Variants in ZNF714 observed in about 807,000 individuals in gnomAD.
ZNF714 encodes the protein zinc finger protein 714.
In ZNF714, 32 loss-of-function variants were observed where a neutral mutation model predicts 46.2. That is an observed-to-expected ratio of 0.69 (90% CI 0.52 to 0.93). The LOEUF (loss-of-function observed/expected upper bound fraction) is 0.93, where lower values mean the gene tolerates loss of function less well. Among genes scored for constraint, ZNF714 ranks in the 40% least tolerant of loss-of-function variants. ZNF714 has a pLI of 0.00. For synonymous variants in ZNF714, 199 were observed against 213.1 expected, an observed-to-expected ratio of 0.93 and a Z score of 0.58; for missense variants, 635 against 646.3, an observed-to-expected ratio of 0.98 and a Z score of 0.19.
rs372317502 is a variant in ZNF714, at chr19:21,117,814, C to T, written c.1150C>T (p.Leu384Phe). The T allele has an allele frequency of 2.0e-4, 330 of 1,612,416 alleles. 2 individuals are homozygous for T. In the Middle Eastern group the frequency reaches 2.3e-3, roughly 11 times the overall value. Residue 384 changes from leucine to phenylalanine, a missense_variant, in exon 5 of 5, where the codon CTT becomes TTT. Leu to Phe is a conservative substitution (Grantham distance 22). Transcript: ENST00000456283. ...CAAAGCCTTTAACCACTCCTCAAAA[C>T]TTACTATACATAAGATAATTCATAC... ...CGKAFNHSSK[L>F]TIHKIIHTGE...
intron 2 of ZNF714, among the ~76,000 whole-genome samples, chr19:21,088,441 T>C (rs1968835455): frequency 6.6e-6 from 1 of 152,174 alleles, no homozygotes; most frequent in Non-Finnish European, 1.5e-5. Context: ...GGCTTCAAGA[T>C]AGGTAAATTG....
intron 2 of ZNF714, among the ~76,000 whole-genome samples, chr19:21,093,483 C>T (rs1025858859): frequency 6.6e-6 from 1 of 151,914 alleles, no homozygotes; most frequent in Non-Finnish European, 1.5e-5. Context: ...CCGCCCGCCT[C>T]AGCCTCCCAA....
chr19:21,110,729 T>G (rs1969432194), intron 4 of ZNF714, among the ~76,000 whole-genome samples: 1 of 152,228 alleles, frequency 6.6e-6, no homozygotes, highest in Non-Finnish European at 1.5e-5. Flanking sequence ...GGTTTCAAAT[T>G]TAAGTTTTCA....
chr19:21,096,875 T>A (rs1182874888), intron 2 of ZNF714, among the ~76,000 whole-genome samples: 4 of 152,070 alleles, frequency 2.6e-5, no homozygotes, highest in Non-Finnish European at 5.9e-5. Context: ...TTTATTTATT[T>A]TTATTGTTTG....
chr19:21,121,788 A>G lies in ZNF714; in HGVS notation c.*3456A>G, dbSNP rs1969707195. ...TACAATCCATGACTTACAGTTCTGA[A>G]CCTTTTCATGCAAATTCTCTGTATA... is the stretch of plus-strand genomic sequence containing the variant. On this transcript the variant is annotated 3_prime_UTR_variant, in exon 5 of 5. Coordinates refer to ENST00000456283, the MANE Select transcript of ZNF714 (RefSeq NM_182515.4). 2 of 152,208 alleles carry G rather than the reference A, an allele frequency of 1.3e-5. No individual in the cohort carries two copies. The highest frequency in any genetic ancestry group is 2.9e-5 in the Non-Finnish European group (2 of 68,026). The allele number at this position is 152,208 out of a possible 1,614,324, so 9.4% of individuals were successfully genotyped here.
At chr19:21,099,736 C>T (rs962592724) in intron 4 of ZNF714, among the ~76,000 whole-genome samples, 1 of 151,722 alleles carries the variant, frequency 6.6e-6, no homozygotes, top group Non-Finnish European at 1.5e-5. Flanking sequence ...ATTTTAGAAT[C>T]GTATTTTCTA....
chr19:21,083,115 G>A (rs988391268), intron 1 of ZNF714, among the ~76,000 whole-genome samples: 1 of 151,676 alleles, frequency 6.6e-6, no homozygotes, highest in Non-Finnish European at 1.5e-5. Flanking sequence ...TTGTCTCACC[G>A]TAACCTCTGC....
Position 21,102,507 on chromosome 19 carries a change from A to C in ZNF714, c.142+3597A>C, listed in dbSNP as rs150991818. On this transcript the variant is annotated intron_variant, in intron 4 of 4. Coordinates refer to ENST00000456283, the MANE Select transcript of ZNF714 (RefSeq NM_182515.4). ...ATATAAGTTTTAATTTAGCAATGTA[A>C]TGCTGTTCTTTGCTTAAGTTGGATT... is the stretch of plus-strand genomic sequence containing the variant. Among the ~76,000 whole-genome samples the C allele has an allele frequency of 2.6e-5, 4 of 152,356 alleles. No homozygotes were observed. In the East Asian group the frequency reaches 7.7e-4, roughly 29 times the overall value.
intron 4 of ZNF714, among the ~76,000 whole-genome samples, chr19:21,115,737 T>A (rs562259946): frequency 5.5e-4 from 84 of 152,088 alleles, no homozygotes; most frequent in African/African-American, 1.9e-3. Context: ...TATAAATATC[T>A]TTGTGTGTAT....
At chr19:21,111,105 T>A (rs1325262239) in intron 4 of ZNF714, among the ~76,000 whole-genome samples, 1 of 152,142 alleles carries the variant, frequency 6.6e-6, no homozygotes, top group Non-Finnish European at 1.5e-5. Context: ...TTTAAAATAG[T>A]TTTTTTCTAA....
At chr19:21,104,910 C>T (rs1471112858) in intron 4 of ZNF714, among the ~76,000 whole-genome samples, 2 of 151,800 alleles carry the variant, frequency 1.3e-5, no homozygotes, top group Admixed American at 6.6e-5. Context: ...GGTGAGCGCC[C>T]GGCCTCATTT....
rs191341972 is a variant in ZNF714 at position 21,112,173 on chromosome 19, T to C, written c.143-4634T>C. Among the ~76,000 whole-genome samples the C allele has an allele frequency of 2.6e-5, 4 of 152,284 alleles. No homozygotes were observed. In the East Asian group the frequency reaches 7.7e-4, roughly 29 times the overall value. On this transcript the variant is annotated intron_variant, in intron 4 of 4. Coordinates refer to ENST00000456283, the MANE Select transcript of ZNF714 (RefSeq NM_182515.4). ...ATAGTTTCAGAAGAAATAGTACTCT[T>C]TGTACCTCTGGTAGAATTTAGCTAT...
chr19:21,084,703 T>A (rs966793093), intron 2 of ZNF714, among the ~76,000 whole-genome samples: 24 of 100,826 alleles, frequency 2.4e-4, no homozygotes, highest in Admixed American at 2.6e-4. Flanking sequence ...AGGTAGGAAA[T>A]TTTTTTTTTT....
chr19:21,103,281 C>T (rs887574479), intron 4 of ZNF714, among the ~76,000 whole-genome samples: 2 of 152,086 alleles, frequency 1.3e-5, no homozygotes, highest in South Asian at 4.2e-4. Flanking sequence ...AGGCCTGGCT[C>T]GGTGGCTCAC....
At chr19:21,115,072 G>T in intron 4 of ZNF714, among the ~76,000 whole-genome samples, 1 of 150,648 alleles carries the variant, frequency 6.6e-6, no homozygotes, top group African/African-American at 2.4e-5. Flanking sequence ...TGGTATATTA[G>T]GAATTACATA....
At chr19:21,097,927 G>A (rs763794816) in intron 2 of ZNF714, among the ~76,000 whole-genome samples, 4 of 152,154 alleles carry the variant, frequency 2.6e-5, no homozygotes, top group South Asian at 2.1e-4. Context: ...AAATGTATAC[G>A]TTTGTGTCCT....
chr19:21,107,979 A>G (rs1387752674), intron 4 of ZNF714, among the ~76,000 whole-genome samples: 1 of 152,174 alleles, frequency 6.6e-6, no homozygotes, highest in African/African-American at 2.4e-5. Flanking sequence ...GCTGGAGTAC[A>G]TTGACATAAA....
chr19:21,087,623 G>A (rs1386669414), intron 2 of ZNF714, among the ~76,000 whole-genome samples: 1 of 152,068 alleles, frequency 6.6e-6, no homozygotes, highest in African/African-American at 2.4e-5. Context: ...GTAGATCAGT[G>A]CTTTAAGAGA....
chr19:21,108,205 T>C (rs952966633), intron 4 of ZNF714, among the ~76,000 whole-genome samples: 9 of 152,228 alleles, frequency 5.9e-5, no homozygotes, highest in African/African-American at 1.9e-4. Flanking sequence ...TTCCAAATTA[T>C]TGGGATTGTA....
Sources: allele counts gnomAD v4.1 joint callset (sites outside exome capture counted in the v4.1 genomes callset), GRCh38; gene constraint gnomAD v4.1.1; transcripts MANE v1.5; gene names NCBI Gene and HGNC (gene_info 2026-07-23, HGNC 2026-07-21).